Variants in CEP131 observed in about 807,000 individuals in gnomAD.
CEP131 encodes centrosomal protein of 131 kDa.
CEP131 carries 99 observed loss-of-function variants against 136.8 expected under a neutral mutation model. That is an observed-to-expected ratio of 0.72 (90% CI 0.62 to 0.86). The LOEUF (loss-of-function observed/expected upper bound fraction) is 0.86. CEP131 is among the 40% of genes least tolerant of loss of function. The probability of loss-of-function intolerance (pLI) is 0.00; values close to 1 mark genes in which losing one functional copy is unlikely to be tolerated. For synonymous variants in CEP131, 646 were observed against 612.7 expected (o/e 1.05, Z -0.80); for missense variants, 1,459 against 1,463.0 (o/e 1.00, Z 0.04).
intron 12 of CEP131, 26 bp from the exon 13 acceptor site, chr17:81,197,914 G>A (rs1355323912): frequency 1.3e-6 from 2 of 1,599,986 alleles, no homozygotes; most frequent in Non-Finnish European, 1.7e-6. Flanking sequence ...CCAGCATCGG[G>A]GGCTGTCAGG....
intron 8 of CEP131, 27 bp downstream of exon 8, chr17:81,200,302 T>G (rs1221908749): frequency 4.5e-6 from 7 of 1,561,222 alleles, no homozygotes; most frequent in Non-Finnish European, 6.1e-6. Flanking sequence ...CGGGGGAGCA[T>G]GGAGTGACTG....
chr17:81,196,663 C>G lies in CEP131; in HGVS notation c.1899+38G>C, dbSNP rs7219367. 2.8e-5 allele frequency: 45 copies of G among 1,583,008 alleles called. No homozygotes were observed. In the East Asian group the frequency reaches 1.0e-3, roughly 35 times the overall value. On this transcript the variant is annotated intron_variant, in intron 15 of 25. Coordinates refer to ENST00000450824, the MANE Select transcript of CEP131 (RefSeq NM_014984.4). ...GCTCTGGAAGTCTCCATGAGCCACGCGCTGGGTCCGGGCCTCTGCGCTCCC... is the reference window on the plus strand; with the variant it reads ...GCTCTGGAAGTCTCCATGAGCCACGGGCTGGGTCCGGGCCTCTGCGCTCCC...
chr17:81,214,202 C>A (rs1383072999), intron 2 of CEP131, among the ~76,000 whole-genome samples: 1 of 152,212 alleles, frequency 6.6e-6, no homozygotes, highest in African/African-American at 2.4e-5. Context: ...CAGGGGAACA[C>A]CCTGCACTTT....
intron 7 of CEP131, 38 bp downstream of exon 7, chr17:81,202,202 A>C: frequency 8.8e-7 from 1 of 1,134,990 alleles, no homozygotes; most frequent in Non-Finnish European, 1.1e-6. Context: ...TCTGTGTTCT[A>C]GGCTCAGGCC....
intron 1 of CEP131, among the ~76,000 whole-genome samples, chr17:81,222,032 C>A (rs1488653527): frequency 6.6e-6 from 1 of 152,128 alleles, no homozygotes; most frequent in Non-Finnish European, 1.5e-5. Context: ...TCCGGCTGTG[C>A]GGAAGAAACT....
At chr17:81,214,836 G>A (rs777146032) in intron 2 of CEP131, among the ~76,000 whole-genome samples, 22 of 151,958 alleles carry the variant, frequency 1.4e-4, no homozygotes, top group Admixed American at 2.0e-4. Flanking sequence ...GCAGTGGCGC[G>A]ATCTCGGCTC....
chr17:81,219,652 T>A lies in CEP131; in HGVS notation c.177+228A>T, dbSNP rs1482160280. Among the ~76,000 whole-genome samples, 2 of 152,150 alleles carry A rather than the reference T, an allele frequency of 1.3e-5. No individual in the cohort carries two copies. The highest frequency in any genetic ancestry group is 1.9e-4 in the East Asian group (1 of 5,192). ...CCAAAGGGCGGTGGCACAGGAGGCC[T>A]GGGGCTGTTGCTGAAAGAATCCAAG... On this transcript the variant is annotated intron_variant, in intron 2 of 25. Coordinates refer to ENST00000450824, the MANE Select transcript of CEP131 (RefSeq NM_014984.4). The surrounding 1 kb of genome is among the most constrained non-coding windows in gnomAD (Gnocchi z 4.0).
At chr17:81,192,241 C>A in intron 21 of CEP131, 77 bp downstream of exon 21, 2 of 1,424,680 alleles carry the variant, frequency 1.4e-6, no homozygotes, top group Admixed American at 2.1e-5. Context: ...CAGCAAAACC[C>A]ACCTGGGGCA....
rs2061907587 is a variant in CEP131, at chr17:81,202,226, C to A, written c.788+14G>T. The A allele has an allele frequency of 6.3e-7, 1 of 1,580,790 alleles. No individual in the cohort carries two copies. The highest frequency in any genetic ancestry group is 8.6e-7 in the Non-Finnish European group (1 of 1,160,924). ...TAGGCTCAGGCCCCCCCCCACCGCC[C>A]CAAGATCGGTCACCTCTCAGCCTCC... On this transcript the variant is annotated intron_variant, in intron 7 of 25. Transcript: ENST00000450824.
At chr17:81,190,237 C>G (rs569473830) in intron 24 of CEP131, among the ~76,000 whole-genome samples, 74 of 152,300 alleles carry the variant, frequency 4.9e-4, no homozygotes, top group African/African-American at 1.7e-3. Context: ...TCGCCCACAC[C>G]CACCTCTCAG....
rs761833623 is a variant in CEP131 at position 81,194,881 on chromosome 17, A to G, written c.2108T>C (p.Val703Ala). 3 of 1,611,314 alleles carry G rather than the reference A, an allele frequency of 1.9e-6. No individual in the cohort carries two copies. The South Asian group carries it at 3.3e-5, about 18-fold the overall frequency. ...AGGGGAGGGCCCACCTCGGACAGTG[A>G]CCTCCTTGATCTTCTTGGTTTTCTC... ...ISEKTKKIKE[V>A]TVRGLEPEIQ... The change falls in exon 17 of 26, where the codon GTC becomes GCC. Residue 703 changes from valine to alanine, a missense_variant. Val to Ala is a moderately conservative substitution (Grantham distance 64, BLOSUM62 0). Coordinates refer to ENST00000450824, the MANE Select transcript of CEP131 (RefSeq NM_014984.4).
chr17:81,207,512 T>C (rs1598304244), intron 3 of CEP131, among the ~76,000 whole-genome samples: 2 of 151,174 alleles, frequency 1.3e-5, no homozygotes, highest in Admixed American at 6.6e-5. Context: ...TTCTTTTCTT[T>C]TTTTTTTTTT....
chr17:81,218,804 G>A (rs867856493), intron 2 of CEP131, among the ~76,000 whole-genome samples: 3 of 152,226 alleles, frequency 2.0e-5, no homozygotes, highest in South Asian at 2.1e-4. Flanking sequence ...AGAAGGGGGA[G>A]GTCCAAGCCT....
At chr17:81,204,713 C>G (rs1021235674) in intron 5 of CEP131, among the ~76,000 whole-genome samples, 18 of 151,852 alleles carry the variant, frequency 1.2e-4, no homozygotes, top group Admixed American at 1.1e-3. Flanking sequence ...CCGGACCACA[C>G]CTGCACCAGC....
At chr17:81,212,156 A>G (rs2062145525) in intron 2 of CEP131, among the ~76,000 whole-genome samples, 1 of 149,858 alleles carries the variant, frequency 6.7e-6, no homozygotes, top group South Asian at 2.1e-4. Context: ...CTCTACTAAA[A>G]AGATATATAT....
Position 81,194,120 on chromosome 17 carries a change from C to A in CEP131, c.2127G>T (p.Glu709Asp). The change falls in exon 18 of 26, where the codon GAG (glutamate) becomes GAT (aspartate). Residue 709 changes from glutamate to aspartate, a missense_variant. Transcript: ENST00000450824. ...TTGCAATCAGCTTCTGGATCTCGGG[C>A]TCCAGACCTGGGGGCGGGGCACCAG... ...KIKEVTVRGL[E>D]PEIQKLIARH... 1 of 1,530,832 alleles carries A rather than the reference C, an allele frequency of 6.5e-7. No homozygotes were observed. The highest frequency in any genetic ancestry group is 1.3e-5 in the South Asian group (1 of 78,502). The allele number at this position is 1,530,832 out of a possible 1,614,324, so 94.8% of individuals were successfully genotyped here. A position where few individuals can be genotyped will look rare whatever the true frequency, so the allele number is the denominator to read the frequency against.
chr17:81,209,100 G>A lies in CEP131; in HGVS notation c.178-78C>T, dbSNP rs116677845. ...TTGCTCAGCCTCCGCCAGCTTTGGA[G>A]AAACGCAGTCAGAGAACAGAGGGGT... On this transcript the variant is annotated intron_variant, in intron 2 of 25. Coordinates refer to ENST00000450824, the MANE Select transcript of CEP131 (RefSeq NM_014984.4). 1,147 of 1,103,054 alleles carry A rather than the reference G, an allele frequency of 1.0e-3. 10 individuals carry two copies. In the African/African-American group the frequency reaches 0.015, roughly 15 times the overall value. The allele number at this position is 1,103,054 out of a possible 1,614,324, so 68.3% of individuals were successfully genotyped here.
At position 81,219,224 on chromosome 17, in the gene CEP131, C is replaced by T. The variant is rs1296649376; in HGVS notation, c.177+656G>A. ...GGCTGTCCTGCTGCCCACACACCCA[C>T]ACACCCGTCTAGGTTTCTCCAAGGC... is the stretch of plus-strand genomic sequence containing the variant. On this transcript the variant is annotated intron_variant, in intron 2 of 25. Coordinates refer to ENST00000450824, the MANE Select transcript of CEP131 (RefSeq NM_014984.4). The surrounding 1 kb of genome is among the most constrained non-coding windows in gnomAD (Gnocchi z 4.0). 6.6e-6 allele frequency among the ~76,000 whole-genome samples: 1 copy of T among 152,134 alleles called. No individual in the cohort carries two copies. Among genetic ancestry groups the T allele is most frequent in the Non-Finnish European group, 1.5e-5 (1 of 68,010 alleles).
rs996877863 is a variant in CEP131, at chr17:81,215,392, C to T, written c.177+4488G>A. Among the ~76,000 whole-genome samples the T allele has an allele frequency of 7.2e-5, 11 of 151,986 alleles. No individual in the cohort carries two copies. Among genetic ancestry groups the T allele is most frequent in the Non-Finnish European group, 1.6e-4 (11 of 67,998 alleles). On this transcript the variant is annotated intron_variant, in intron 2 of 25. Coordinates refer to ENST00000450824, the MANE Select transcript of CEP131 (RefSeq NM_014984.4). This position sits in a 1 kb window ranked among gnomAD's most constrained non-coding sequence, Gnocchi z 4.1. ...GATTACAGATATTGGCCACCACTCC[C>T]GGCCCCCTTTCAAATTTTTTTATTT... is the stretch of plus-strand genomic sequence containing the variant.
Sources: gnomAD v4.1 joint callset for allele counts (sites outside exome capture counted in the v4.1 genomes callset) on GRCh38, gnomAD v4.1.1 for gene constraint, Gnocchi (gnomAD v3.1) non-coding constraint, MANE v1.5 for transcripts, NCBI Gene and HGNC (gene_info 2026-07-23, HGNC 2026-07-21) for gene names.